Variants in NIBAN1 observed in about 807,000 individuals in gnomAD.
The protein encoded by NIBAN1 is protein Niban 1.
In NIBAN1, 81 loss-of-function variants were observed where a neutral mutation model predicts 75.1. That is an observed-to-expected ratio of 1.08 (90% CI 0.90 to 1.30). NIBAN1 has a LOEUF of 1.30. NIBAN1 is among the 50% of genes most tolerant of loss of function. NIBAN1 has a pLI of 0.00. For synonymous variants in NIBAN1, 436 were observed against 424.8 expected (o/e 1.03, Z -0.32); for missense variants, 1,133 against 1,128.1 (o/e 1.00, Z -0.06).
In NIBAN1 at chr1:184,855,978, A is replaced by T. The variant is rs553444045; in HGVS notation, c.602-24016T>A. Among the ~76,000 whole-genome samples the T allele has an allele frequency of 7.2e-5, 11 of 152,314 alleles. No individual in the cohort carries two copies. In the South Asian group the frequency reaches 1.9e-3, roughly 26 times the overall value. Reference sequence around the variant, plus strand: ...GTACACGTCTAAACTAAAAATAAACATTTATTGTGTTACAATATAAATGAA... The same window carrying T: ...GTACACGTCTAAACTAAAAATAAACTTTTATTGTGTTACAATATAAATGAA... On this transcript the variant is annotated intron_variant, in intron 5 of 13. Transcript: ENST00000367511.
intron 5 of NIBAN1, among the ~76,000 whole-genome samples, chr1:184,867,204 A>G (rs1655980250): frequency 6.6e-6 from 1 of 151,914 alleles, no homozygotes; most frequent in Non-Finnish European, 1.5e-5. Flanking sequence ...AAACACACAC[A>G]CACACACACC....
Position 184,879,054 on chromosome 1 carries a change from C to T in NIBAN1, c.601+5579G>A, listed in dbSNP as rs539979001. ...TGTGAGGCAAAGAGCACAGGCTAAA[C>T]TCCAGAAGAGAATGTAGCTCAAGCA... On this transcript the variant is annotated intron_variant, in intron 5 of 13. Coordinates refer to ENST00000367511, the MANE Select transcript of NIBAN1 (RefSeq NM_052966.4). Among the ~76,000 whole-genome samples, 4 of 152,268 alleles carry T rather than the reference C, an allele frequency of 2.6e-5. No homozygotes were observed. In the East Asian group the frequency reaches 7.7e-4, roughly 29 times the overall value.
chr1:184,883,777 A>G (rs1362120348), intron 5 of NIBAN1, among the ~76,000 whole-genome samples: 1 of 152,200 alleles, frequency 6.6e-6, no homozygotes, highest in Non-Finnish European at 1.5e-5. Flanking sequence ...GTGTGTTTTA[A>G]TTAAGTTCTC....
chr1:184,956,264 C>T (rs1158778324), intron 1 of NIBAN1, among the ~76,000 whole-genome samples: 4 of 152,080 alleles, frequency 2.6e-5, no homozygotes, highest in East Asian at 1.9e-4. Flanking sequence ...TGGTCTCAAG[C>T]GATCCTCTTG....
intron 9 of NIBAN1, among the ~76,000 whole-genome samples, chr1:184,814,810 G>A (rs1654482263): frequency 6.6e-6 from 1 of 152,190 alleles, no homozygotes; most frequent in African/African-American, 2.4e-5. Flanking sequence ...TAAACCATTA[G>A]TTATCAGTGC....
intron 10 of NIBAN1, among the ~76,000 whole-genome samples, chr1:184,806,872 G>A (rs1654212974): frequency 6.6e-6 from 1 of 150,550 alleles, no homozygotes; most frequent in Non-Finnish European, 1.5e-5. Flanking sequence ...GGGTTCAAGC[G>A]AGTCTCGTGC....
At chr1:184,923,542 TC>T (rs1657611639) in intron 1 of NIBAN1, among the ~76,000 whole-genome samples, 1 of 152,358 alleles carries the variant, frequency 6.6e-6, no homozygotes, top group South Asian at 2.1e-4. Flanking sequence ...GCTTTGGCTA[TC>T]CTGGGTCTTT....
At chr1:184,948,122 T>TA (rs571729923) in intron 1 of NIBAN1, among the ~76,000 whole-genome samples, 41 of 149,000 alleles carry the variant, frequency 2.8e-4, no homozygotes, top group East Asian at 9.8e-4. Flanking sequence ...AAATAGGAAA[T>TA]AAAAAAAAAA....
chr1:184,924,035 T>C (rs537351935), intron 1 of NIBAN1, among the ~76,000 whole-genome samples: 8 of 152,200 alleles, frequency 5.3e-5, no homozygotes, highest in Admixed American at 2.0e-4. Context: ...AATAATTTGA[T>C]GTCTTCCTTT....
At chr1:184,819,246 C>T (rs562473359) in intron 8 of NIBAN1, among the ~76,000 whole-genome samples, 1 of 152,150 alleles carries the variant, frequency 6.6e-6, no homozygotes, top group East Asian at 1.9e-4. Flanking sequence ...CAGTATAATT[C>T]CATCCTCCTC....
At chr1:184,953,477 TATGCTC>T (rs1311530044) in intron 1 of NIBAN1, among the ~76,000 whole-genome samples, 1 of 152,262 alleles carries the variant, frequency 6.6e-6, no homozygotes. Context: ...TAGTGAAACT[TATGCTC>T]ATTTGCAAAA....
chr1:184,880,066 T>C (rs191740352), intron 5 of NIBAN1, among the ~76,000 whole-genome samples: 152 of 152,368 alleles, frequency 1.0e-3, no homozygotes, highest in African/African-American at 3.5e-3. Flanking sequence ...ATCTGTTTAG[T>C]GGCAGTCCTG....
intron 10 of NIBAN1, among the ~76,000 whole-genome samples, chr1:184,807,492 A>G (rs1057400240): frequency 2.0e-5 from 3 of 152,184 alleles, no homozygotes; most frequent in Admixed American, 6.5e-5. Context: ...GTTCTATCAA[A>G]AAGTAGCCAT....
At chr1:184,886,620 A>T (rs1418802348) in intron 4 of NIBAN1, among the ~76,000 whole-genome samples, 1 of 152,194 alleles carries the variant, frequency 6.6e-6, no homozygotes, top group Non-Finnish European at 1.5e-5. Flanking sequence ...CTATTACATG[A>T]TATTGCACTT....
At chr1:184,957,458 A>G (rs1384463694) in intron 1 of NIBAN1, among the ~76,000 whole-genome samples, 2 of 152,222 alleles carry the variant, frequency 1.3e-5, no homozygotes, top group Non-Finnish European at 2.9e-5. Flanking sequence ...TTATAATGCC[A>G]TTGCTTCTGT....
At chr1:184,960,407 T>C (rs1658599068) in intron 1 of NIBAN1, among the ~76,000 whole-genome samples, 2 of 152,230 alleles carry the variant, frequency 1.3e-5, no homozygotes, top group South Asian at 4.1e-4. Flanking sequence ...ATACTTCTCT[T>C]ATTTTCTAAG....
intron 1 of NIBAN1, among the ~76,000 whole-genome samples, chr1:184,964,854 A>G (rs549493799): frequency 6.6e-6 from 1 of 152,198 alleles, no homozygotes; most frequent in African/African-American, 2.4e-5. Context: ...ACCGTTCAAA[A>G]ACTTTAATTC....
At chr1:184,867,886 C>T (rs34039006) in intron 5 of NIBAN1, 250,988 of 985,126 alleles carry the variant, frequency 0.25, 33,810 homozygotes, top group South Asian at 0.29. Context: ...TCTTTTGTTC[C>T]AGCTTTTGTC....
chr1:184,795,484 G>T lies in NIBAN1; in HGVS notation c.2280C>A (p.Pro760=). 1 of 1,612,818 alleles carries T rather than the reference G, an allele frequency of 6.2e-7. No individual in the cohort carries two copies. Among genetic ancestry groups the T allele is most frequent in the Non-Finnish European group, 8.5e-7 (1 of 1,179,534 alleles). ...KEPSQAAAIH[P]DNCEESEVSE... ...TGACTTCACTTTCTTCACAGTTGTC[G>T]GGGTGGATGGCAGCTGCCTGACTGG... The change falls in exon 14 of 14, where the codon CCC becomes CCA. Residue 760 remains proline, a synonymous_variant. Coordinates refer to ENST00000367511, the MANE Select transcript of NIBAN1 (RefSeq NM_052966.4).
Sources: gnomAD v4.1 joint callset for allele counts (sites outside exome capture counted in the v4.1 genomes callset) on GRCh38, gnomAD v4.1.1 for gene constraint, MANE v1.5 for transcripts, NCBI Gene and HGNC (gene_info 2026-07-23, HGNC 2026-07-21) for gene names.